Variants in CCDC91 observed in about 807,000 individuals in gnomAD.
CCDC91 encodes coiled-coil domain containing 91.
Under a neutral mutation model 63.2 loss-of-function variants are expected in CCDC91, and 48 were observed. The ratio of observed to expected loss-of-function variants is 0.76; its 90% CI spans 0.60 to 0.97. The LOEUF is 0.97. Among genes scored for constraint, CCDC91 ranks in the 50% least tolerant of loss-of-function variants. The pLI is 0.00. For synonymous variants in CCDC91, 167 were observed against 165.8 expected (o/e 1.01, Z -0.06); for missense variants, 500 against 494.6 (o/e 1.01, Z -0.10).
chr12:28,388,742 A>G (rs1207567765), intron 7 of CCDC91, among the ~76,000 whole-genome samples: 1 of 152,130 alleles, frequency 6.6e-6, no homozygotes, highest in African/African-American at 2.4e-5. Context: ...GAAAGCAAAC[A>G]AAAACAAGTG....
chr12:28,235,725 A>G (rs746182978), intron 1 of CCDC91, among the ~76,000 whole-genome samples: 7 of 152,096 alleles, frequency 4.6e-5, no homozygotes, highest in Non-Finnish European at 7.4e-5. Flanking sequence ...AGTATGAGAT[A>G]ATTTTGTTGA....
intron 5 of CCDC91, among the ~76,000 whole-genome samples, 200 bp from the exon 6 acceptor site, chr12:28,307,445 A>G (rs1472707296): frequency 6.6e-6 from 1 of 151,940 alleles, no homozygotes; most frequent in Non-Finnish European, 1.5e-5. Context: ...ATTTGTTGGA[A>G]TGAGTAAATG....
At chr12:28,491,952 A>T (rs1404758543) in intron 12 of CCDC91, among the ~76,000 whole-genome samples, 1 of 143,856 alleles carries the variant, frequency 7.0e-6, no homozygotes, top group Admixed American at 6.9e-5. Flanking sequence ...TGCGTGTATG[A>T]AGGTGTTGGG....
intron 8 of CCDC91, among the ~76,000 whole-genome samples, chr12:28,396,518 C>T (rs1210442694): frequency 6.6e-6 from 1 of 151,412 alleles, no homozygotes; most frequent in African/African-American, 2.4e-5. Flanking sequence ...TGTTGGTAGC[C>T]CAAACTAAAG....
At chr12:28,257,453 C>G (rs1946529705) in intron 2 of CCDC91, among the ~76,000 whole-genome samples, 1 of 151,988 alleles carries the variant, frequency 6.6e-6, no homozygotes, top group South Asian at 2.1e-4. Context: ...AACATTTGGA[C>G]TTGCCCATAG....
intron 11 of CCDC91, among the ~76,000 whole-genome samples, chr12:28,467,486 G>T (rs1950602554): frequency 6.6e-6 from 1 of 151,980 alleles, no homozygotes; most frequent in African/African-American, 2.4e-5. Context: ...AAGAGAGAGA[G>T]AGAGAGACTC....
At chr12:28,261,691 T>C (rs1946831390) in intron 3 of CCDC91, among the ~76,000 whole-genome samples, 1 of 151,850 alleles carries the variant, frequency 6.6e-6, no homozygotes, top group African/African-American at 2.4e-5. Flanking sequence ...TACTAAAAAA[T>C]TGTATATTAT....
At chr12:28,282,625 C>G (rs1274507680) in intron 3 of CCDC91, among the ~76,000 whole-genome samples, 1 of 152,006 alleles carries the variant, frequency 6.6e-6, no homozygotes, top group Admixed American at 6.6e-5. Flanking sequence ...GGTAGATATC[C>G]TCTAGTGTGA....
intron 3 of CCDC91, among the ~76,000 whole-genome samples, chr12:28,270,723 G>A (rs999027839): frequency 5.9e-5 from 9 of 152,038 alleles, no homozygotes; most frequent in South Asian, 2.1e-4. Flanking sequence ...AGTATTTTGC[G>A]TCGATGGAAT....
rs1313254371 is a variant in CCDC91 at position 28,307,820 on chromosome 12, G to A, written c.576+71G>A. Reference sequence around the variant, plus strand: ...AGCATGTGCTATAATTTCAAAAAGTGCATAATGAATATCTTATGAATGAAG... The same window carrying A: ...AGCATGTGCTATAATTTCAAAAAGTACATAATGAATATCTTATGAATGAAG... On this transcript the variant is annotated intron_variant, in intron 6 of 12. Transcript: ENST00000536442. 6.4e-6 allele frequency: 5 copies of A among 786,772 alleles called. No homozygotes were observed. The African/African-American group carries it at 7.2e-5, about 11-fold the overall frequency. The allele number at this position is 786,772 out of a possible 1,614,324, so 48.7% of individuals were successfully genotyped here.
At chr12:28,478,715 T>C (rs1444804011) in intron 11 of CCDC91, among the ~76,000 whole-genome samples, 1 of 152,190 alleles carries the variant, frequency 6.6e-6, no homozygotes, top group African/African-American at 2.4e-5. Context: ...TCTATTCATC[T>C]GACAAAGGGC....
At chr12:28,279,341 C>T (rs1948448663) in intron 3 of CCDC91, among the ~76,000 whole-genome samples, 1 of 152,024 alleles carries the variant, frequency 6.6e-6, no homozygotes, top group South Asian at 2.1e-4. Context: ...TCTTATGAGA[C>T]CCCTCAAGTT....
At chr12:28,277,210 G>A (rs1341633887) in intron 3 of CCDC91, among the ~76,000 whole-genome samples, 2 of 151,902 alleles carry the variant, frequency 1.3e-5, no homozygotes, top group African/African-American at 4.8e-5. Context: ...CTTCTTCATA[G>A]TATTGAACAT....
intron 6 of CCDC91, among the ~76,000 whole-genome samples, chr12:28,312,220 A>G (rs1179083043): frequency 2.0e-5 from 3 of 151,962 alleles, no homozygotes; most frequent in African/African-American, 7.2e-5. Flanking sequence ...GTGGGGAAAC[A>G]GGTTAATGAG....
chr12:28,269,104 G>C (rs140245804), intron 3 of CCDC91, among the ~76,000 whole-genome samples: 2 of 152,146 alleles, frequency 1.3e-5, no homozygotes, highest in African/African-American at 4.8e-5. Flanking sequence ...ACTGATGCCC[G>C]TAATGAATAC....
chr12:28,384,940 GGATAT>G (rs1945509983), intron 7 of CCDC91, among the ~76,000 whole-genome samples: 2 of 151,896 alleles, frequency 1.3e-5, no homozygotes, highest in South Asian at 4.2e-4. Flanking sequence ...AGTTTTGAGG[GGATAT>G]GATAAGACAT....
chr12:28,306,321 T>C (rs1460671302), intron 4 of CCDC91, among the ~76,000 whole-genome samples: 2 of 152,100 alleles, frequency 1.3e-5, no homozygotes, highest in Admixed American at 1.3e-4. Context: ...CCTGTTAATT[T>C]TGCGAGACAG....
chr12:28,495,327 G>C (rs1372832165), intron 12 of CCDC91, among the ~76,000 whole-genome samples: 1 of 151,684 alleles, frequency 6.6e-6, no homozygotes, highest in Non-Finnish European at 1.5e-5. Flanking sequence ...TGTTCATTAA[G>C]TCTGGATATT....
chr12:28,451,056 G>T (rs1479523439), intron 10 of CCDC91, among the ~76,000 whole-genome samples: 1 of 151,680 alleles, frequency 6.6e-6, no homozygotes, highest in African/African-American at 2.4e-5. Context: ...CTATGTCATA[G>T]AAGTTTTTTT....
Sources: allele counts gnomAD v4.1 joint callset (sites outside exome capture counted in the v4.1 genomes callset), GRCh38; gene constraint gnomAD v4.1.1; transcripts MANE v1.5; gene names NCBI Gene and HGNC (gene_info 2026-07-23, HGNC 2026-07-21).